Variants in PDE1A observed in about 807,000 individuals in gnomAD.
The protein encoded by PDE1A is phosphodiesterase 1A.
A neutral mutation model predicts 61.7 loss-of-function variants in PDE1A; 35 were observed. That is an observed-to-expected ratio of 0.57 (90% CI 0.43 to 0.75). The LOEUF (loss-of-function observed/expected upper bound fraction) is 0.75. Among genes scored for constraint, PDE1A ranks in the 30% least tolerant of loss-of-function variants. The pLI, the probability that PDE1A is intolerant of heterozygous loss-of-function variation, is 0.00. For synonymous variants in PDE1A, 232 were observed against 213.2 expected (o/e 1.09, Z -0.77); for missense variants, 597 against 630.6 (o/e 0.95, Z 0.57).
chr2:182,706,464 A>G, the PDE1A span, among the ~76,000 whole-genome samples: 6 of 152,164 alleles, frequency 3.9e-5, no homozygotes, highest in African/African-American at 1.4e-4. Context: ...GGTCTAAAAC[A>G]TGCTAACCAA....
intron 2 of PDE1A, among the ~76,000 whole-genome samples, chr2:182,503,371 C>T (rs538784883): frequency 1.3e-5 from 2 of 152,284 alleles, no homozygotes; most frequent in East Asian, 3.9e-4. Flanking sequence ...ATCTGCCACC[C>T]ACCCTGATGC....
chr2:182,532,964 A>AAAAAAAC, the PDE1A span, among the ~76,000 whole-genome samples: 1 of 149,492 alleles, frequency 6.7e-6, no homozygotes, highest in African/African-American at 2.4e-5. Context: ...AAAAAAAAAA[A>AAAAAAAC]AAAAAAAAAC....
chr2:182,201,489 T>G (rs1317048926), exon 10 of PDE1A: 1 of 1,614,048 alleles, frequency 6.2e-7, no homozygotes, highest in Admixed American at 1.7e-5. Flanking sequence ...TAATGCAGCT[T>G]CCAGGATTTG....
intron 1 of PDE1A, among the ~76,000 whole-genome samples, chr2:182,374,269 A>G (rs1259174427): frequency 6.6e-6 from 1 of 152,164 alleles, no homozygotes. Context: ...GAACACTTGA[A>G]TATTCATATA....
At chr2:182,201,902 C>A (rs1191999544) in intron 8 of PDE1A, 113 bp from the exon 9 acceptor site, 55 of 656,138 alleles carry the variant, frequency 8.4e-5, no homozygotes, top group Non-Finnish European at 4.8e-5. Context: ...GATATGAACA[C>A]AAAAGATGCT....
At chr2:182,696,162 G>A in the PDE1A span, among the ~76,000 whole-genome samples, 5 of 152,122 alleles carry the variant, frequency 3.3e-5, no homozygotes, top group Non-Finnish European at 5.9e-5. Flanking sequence ...ACCTACACAC[G>A]GATATTTACA....
chr2:182,540,383 AAAGCAGCAGCAGCAGCAGC>A, the PDE1A span, among the ~76,000 whole-genome samples: 28 of 72,754 alleles, frequency 3.8e-4, no homozygotes, highest in Admixed American at 3.3e-3. Context: ...AAAAAAAAAA[AAAGCAGCAGCAGCAGCAGC>A]AGCAGCAGCA....
chr2:182,664,286 T>G, the PDE1A span, among the ~76,000 whole-genome samples: 5 of 152,326 alleles, frequency 3.3e-5, no homozygotes, highest in South Asian at 1.0e-3. Flanking sequence ...AAAGAAATTT[T>G]TGCAAATATG....
upstream of PDE1A, among the ~76,000 whole-genome samples, chr2:182,428,908 A>G (rs765347824): frequency 6.6e-6 from 1 of 152,152 alleles, no homozygotes; most frequent in Non-Finnish European, 1.5e-5. Context: ...GGAACTCAAC[A>G]TAAATACTAA....
intron 2 of PDE1A, among the ~76,000 whole-genome samples, chr2:182,454,933 G>T (rs1392623549): frequency 6.7e-6 from 1 of 149,174 alleles, no homozygotes; most frequent in Non-Finnish European, 1.5e-5. Context: ...AAGAGCTTCT[G>T]CACAAAAAAA....
At chr2:182,541,543 G>A in the PDE1A span, among the ~76,000 whole-genome samples, 1 of 152,092 alleles carries the variant, frequency 6.6e-6, no homozygotes, top group East Asian at 1.9e-4. Flanking sequence ...GGTGACCATG[G>A]GTCTTGGTGG....
In PDE1A at chr2:182,369,580, T is replaced by C. The variant is rs188082107; in HGVS notation, c.53+56998A>G. Among the ~76,000 whole-genome samples, 4 of 151,846 alleles carry C rather than the reference T, an allele frequency of 2.6e-5. No individual in the cohort carries two copies. The East Asian group carries it at 7.8e-4, about 29-fold the overall frequency. ...TGGGGTGTCATATAAATAAAGGAAG[T>C]AGCACATTTGCAGAACACTTTGAAG... On this transcript the variant is annotated intron_variant, in intron 1 of 13. Coordinates refer to ENST00000351439, the Ensembl canonical transcript of PDE1A.
At chr2:182,553,603 T>C in the PDE1A span, among the ~76,000 whole-genome samples, 1 of 152,214 alleles carries the variant, frequency 6.6e-6, no homozygotes, top group East Asian at 1.9e-4. Context: ...CATGTGGAGA[T>C]ATGATTACAG....
chr2:182,612,211 G>A, the PDE1A span, among the ~76,000 whole-genome samples: 8 of 152,150 alleles, frequency 5.3e-5, no homozygotes, highest in East Asian at 1.9e-4. Context: ...CAATTCAGTC[G>A]TTGTGAATCA....
intron 2 of PDE1A, among the ~76,000 whole-genome samples, chr2:182,466,187 T>C (rs1686647199): frequency 1.3e-5 from 2 of 152,032 alleles, no homozygotes; most frequent in South Asian, 4.1e-4. Context: ...CAGTCCTCTT[T>C]ACTCTTGTAC....
At chr2:182,398,137 C>A (rs2125430308) in intron 1 of PDE1A, among the ~76,000 whole-genome samples, 1 of 151,870 alleles carries the variant, frequency 6.6e-6, no homozygotes, top group South Asian at 2.1e-4. Flanking sequence ...AAAAAAAAAG[C>A]TTGAGTTGGG....
intron 2 of PDE1A, among the ~76,000 whole-genome samples, chr2:182,444,213 A>G (rs1350564815): frequency 6.6e-6 from 1 of 152,110 alleles, no homozygotes; most frequent in Non-Finnish European, 1.5e-5. Flanking sequence ...CTTTGCCTAG[A>G]ATATGCTTCC....
At chr2:182,413,383 G>C (rs745738293) in intron 1 of PDE1A, among the ~76,000 whole-genome samples, 2 of 152,144 alleles carry the variant, frequency 1.3e-5, no homozygotes, top group Admixed American at 6.6e-5. Flanking sequence ...TGGGAGGCTA[G>C]AGGGCTTTGA....
rs571951571 is a variant in PDE1A, at chr2:182,387,202, G to A, written c.53+39376C>T. 9.6e-4 allele frequency among the ~76,000 whole-genome samples: 146 copies of A among 152,194 alleles called. No individual in the cohort carries two copies. In the Middle Eastern group the frequency reaches 0.017, roughly 18 times the overall value. ...GGCAGTGCAAGATGTGCTTTGTTAA[G>A]CAGATGCTTGAAGGCAGCATACTCG... On this transcript the variant is annotated intron_variant, in intron 1 of 13. Transcript: ENST00000351439.
Sources: allele counts gnomAD v4.1 joint callset (sites outside exome capture counted in the v4.1 genomes callset), GRCh38; gene constraint gnomAD v4.1.1; transcripts MANE v1.5; gene names NCBI Gene and HGNC (gene_info 2026-07-23, HGNC 2026-07-21).